Variants in ADCY9 observed in about 807,000 individuals in gnomAD.
The protein encoded by ADCY9 is adenylate cyclase 9, also known as adenylate cyclase type 9.
In ADCY9, 50 loss-of-function variants were observed where a neutral mutation model predicts 101.5. That is an observed-to-expected ratio of 0.49 (90% confidence interval 0.39 to 0.62). ADCY9 has a LOEUF of 0.62. ADCY9 is among the 20% of genes least tolerant of loss of function. ADCY9 has a pLI of 0.00. For missense variants in ADCY9, 1,662 were observed against 1,800.4 expected (o/e 0.92, Z 1.39); for synonymous variants, 905 against 769.3 (o/e 1.18, Z -2.92).
chr16:4,010,119 G>A (rs2056393773), intron 2 of ADCY9, among the ~76,000 whole-genome samples: 1 of 152,246 alleles, frequency 6.6e-6, no homozygotes, highest in Non-Finnish European at 1.5e-5. Context: ...GCAAGGTGCT[G>A]TTGGCTCAGG....
At chr16:4,053,964 G>GCCCCA (rs2056718970) in intron 2 of ADCY9, 2 of 100,400 alleles carry the variant, frequency 2.0e-5, no homozygotes, top group African/African-American at 3.8e-5. Context: ...CCCTTGCCCC[G>GCCCCA]CCCCACCCCA....
chr16:4,071,222 C>T (rs1007028208), intron 2 of ADCY9, among the ~76,000 whole-genome samples: 11 of 149,202 alleles, frequency 7.4e-5, no homozygotes, highest in Non-Finnish European at 1.6e-4. Flanking sequence ...CCTAGCTACT[C>T]GGGAGGCTGA....
At position 4,029,855 on chromosome 16, in the gene ADCY9, C is replaced by T. The variant is rs2056542993; in HGVS notation, c.1694-22297G>A. On this transcript the variant is annotated intron_variant, in intron 2 of 10. Coordinates refer to ENST00000294016, the MANE Select transcript of ADCY9 (RefSeq NM_001116.4). ...AACAGGCACTTCACTGAAGAGCCAA[C>T]CCAGGTGGCCAGCAGACATATGAAA... Among the ~76,000 whole-genome samples the T allele has an allele frequency of 2.0e-5, 3 of 152,138 alleles. No homozygotes were observed. In the South Asian group the frequency reaches 6.2e-4, roughly 31 times the overall value.
intron 10 of ADCY9, among the ~76,000 whole-genome samples, chr16:3,968,936 C>G (rs561024708): frequency 6.6e-6 from 1 of 152,136 alleles, no homozygotes; most frequent in Non-Finnish European, 1.5e-5. Context: ...AACTCCGCCT[C>G]CTGGGTTCAA....
chr16:4,106,012 A>C lies in ADCY9; in HGVS notation c.1693+7738T>G, dbSNP rs578143314. Among the ~76,000 whole-genome samples the C allele has an allele frequency of 2.0e-5, 3 of 152,260 alleles. No individual in the cohort carries two copies. In the East Asian group the frequency reaches 5.8e-4, roughly 29 times the overall value. ...ACTGCCACCACTACTGCTACAACTCATTCTGCCTCCACTGCCACCAGCAGC... is the reference window on the plus strand; with the variant it reads ...ACTGCCACCACTACTGCTACAACTCCTTCTGCCTCCACTGCCACCAGCAGC... On this transcript the variant is annotated intron_variant, in intron 2 of 10. Transcript: ENST00000294016.
At chr16:4,103,268 G>A (rs967261402) in intron 2 of ADCY9, among the ~76,000 whole-genome samples, 1 of 152,230 alleles carries the variant, frequency 6.6e-6, no homozygotes, top group African/African-American at 2.4e-5. Context: ...TAGCGAAGCA[G>A]TACTCAAAGT....
intron 5 of ADCY9, among the ~76,000 whole-genome samples, chr16:3,991,239 G>A (rs933299966): frequency 2.0e-5 from 3 of 152,196 alleles, no homozygotes; most frequent in Non-Finnish European, 4.4e-5. Context: ...TTAGTCATAA[G>A]AGGAATATAA....
intron 3 of ADCY9, among the ~76,000 whole-genome samples, chr16:4,004,807 C>T (rs546778408): frequency 2.3e-4 from 35 of 152,088 alleles, no homozygotes; most frequent in Non-Finnish European, 4.7e-4. Context: ...TGCGGAGGCA[C>T]GGGAAGGCGT....
At chr16:4,055,995 G>A (rs1194417560) in intron 2 of ADCY9, among the ~76,000 whole-genome samples, 1 of 152,160 alleles carries the variant, frequency 6.6e-6, no homozygotes, top group Non-Finnish European at 1.5e-5. Context: ...CTGGCAAGCG[G>A]TTTTGAAGCC....
chr16:4,065,855 T>G (rs964425598), intron 2 of ADCY9, among the ~76,000 whole-genome samples: 2 of 150,584 alleles, frequency 1.3e-5, no homozygotes, highest in East Asian at 2.0e-4. Flanking sequence ...AGGCGCCCAC[T>G]GCCACACCCG....
rs57326989 is a variant in ADCY9 at position 3,963,097 on chromosome 16, CATATATATATATATATAT to C, written c.*2660_*2677del. On this transcript the variant is annotated 3_prime_UTR_variant, in exon 11 of 11. Coordinates refer to ENST00000294016, the MANE Select transcript of ADCY9 (RefSeq NM_001116.4). ...GATAAAATTGTGTGTGCTTGTTTAC[CATATATATATATATATAT>C]ATATATATATATATATATATATATA... 3.1e-3 allele frequency: 383 copies of C among 122,018 alleles called. 7 individuals are homozygous for C. The highest frequency in any genetic ancestry group is 0.016 in the East Asian group (56 of 3,572). 7.6% of individuals were successfully genotyped at this position (122,018 alleles called of 1,614,324 possible). A position where few individuals can be genotyped will look rare whatever the true frequency, so the allele number is the denominator to read the frequency against.
At chr16:4,085,489 G>T (rs2056932009) in intron 2 of ADCY9, among the ~76,000 whole-genome samples, 1 of 152,114 alleles carries the variant, frequency 6.6e-6, no homozygotes, top group South Asian at 2.1e-4. Context: ...CATCAGCTGA[G>T]GTGGTATAGA....
At chr16:4,097,684 T>C (rs2057017340) in intron 2 of ADCY9, among the ~76,000 whole-genome samples, 1 of 150,032 alleles carries the variant, frequency 6.7e-6, no homozygotes, top group African/African-American at 2.5e-5. Context: ...GTAGCTGGGA[T>C]TACAGGTGCC....
chr16:3,974,783 C>T (rs1486534744), intron 9 of ADCY9, 73 bp from the exon 10 acceptor site: 1 of 1,210,232 alleles, frequency 8.3e-7, no homozygotes. Context: ...CTGAGAAGAG[C>T]TTGAACAAAC....
chr16:4,084,245 G>A (rs34040332), intron 2 of ADCY9, among the ~76,000 whole-genome samples: 72,820 of 151,504 alleles, frequency 0.48, 17,599 homozygotes, highest in Admixed American at 0.55. Flanking sequence ...CCAAGTAGCT[G>A]GGATTACAGG....
intron 2 of ADCY9, among the ~76,000 whole-genome samples, chr16:4,028,888 A>G (rs2056535462): frequency 6.6e-6 from 1 of 151,722 alleles, no homozygotes; most frequent in Non-Finnish European, 1.5e-5. Context: ...GGGTTCAAGC[A>G]ATTCTCCTGC....
intron 7 of ADCY9, among the ~76,000 whole-genome samples, chr16:3,979,757 C>T (rs1171059714): frequency 6.6e-6 from 1 of 152,218 alleles, no homozygotes; most frequent in Non-Finnish European, 1.5e-5. Flanking sequence ...CAGAGCTGTC[C>T]TGCATGTGGG....
At chr16:3,977,215 A>G (rs1253962999) in intron 9 of ADCY9, among the ~76,000 whole-genome samples, 2 of 152,200 alleles carry the variant, frequency 1.3e-5, no homozygotes, top group East Asian at 3.9e-4. Flanking sequence ...GTATAATGCA[A>G]TGGCAGCATT....
At chr16:4,024,405 T>C (rs2141744608) in intron 2 of ADCY9, among the ~76,000 whole-genome samples, 1 of 152,350 alleles carries the variant, frequency 6.6e-6, no homozygotes, top group South Asian at 2.1e-4. Flanking sequence ...CATATATCCC[T>C]CGCTCCACTT....
Sources: gnomAD v4.1 joint callset for allele counts (sites outside exome capture counted in the v4.1 genomes callset) on GRCh38, gnomAD v4.1.1 for gene constraint, MANE v1.5 for transcripts, NCBI Gene and HGNC (gene_info 2026-07-23, HGNC 2026-07-21) for gene names.